Variants in EPB41L5 observed in about 807,000 individuals in gnomAD.
EPB41L5 encodes the protein band 4.1-like protein 5.
In EPB41L5, 55 loss-of-function variants were observed where a neutral mutation model predicts 106.6. That is an observed-to-expected ratio of 0.52 (90% confidence interval 0.42 to 0.65). The LOEUF (loss-of-function observed/expected upper bound fraction) is 0.65. Among genes scored for constraint, EPB41L5 ranks in the 30% least tolerant of loss-of-function variants. The probability of loss-of-function intolerance (pLI) is 0.00; values close to 1 mark genes in which losing one functional copy is unlikely to be tolerated. For missense variants in EPB41L5, 871 were observed against 882.1 expected (o/e 0.99, Z 0.16); for synonymous variants, 297 against 306.7 (o/e 0.97, Z 0.33).
chr2:120,083,569 T>C (rs1448636331), intron 10 of EPB41L5, among the ~76,000 whole-genome samples: 2 of 152,296 alleles, frequency 1.3e-5, no homozygotes, highest in East Asian at 3.9e-4. Flanking sequence ...CTGAGAAGAA[T>C]GTATATTCTG....
At chr2:120,051,718 A>C (rs1057507421) in intron 3 of EPB41L5, among the ~76,000 whole-genome samples, 1 of 152,132 alleles carries the variant, frequency 6.6e-6, no homozygotes, top group Non-Finnish European at 1.5e-5. Flanking sequence ...AGCCCCAGTG[A>C]GATGAACCCA....
In EPB41L5 at chr2:120,150,503, GTTTAT is replaced by G. The variant is rs1331386473; in HGVS notation, c.1793+4228_1793+4232del. On this transcript the variant is annotated intron_variant, in intron 20 of 24. Transcript: ENST00000263713. ...TGCCCAGCTAATTTAAAAAAAAAAA[GTTTAT>G]TTTATTTTATTTTTTTAGAGATGGG... Among the ~76,000 whole-genome samples, 10 of 151,740 alleles carry G rather than the reference GTTTAT, an allele frequency of 6.6e-5. No homozygotes were observed. In the South Asian group the frequency reaches 1.7e-3, roughly 25 times the overall value.
intron 20 of EPB41L5, among the ~76,000 whole-genome samples, chr2:120,153,675 T>C (rs1371789617): frequency 1.3e-5 from 2 of 152,208 alleles, no homozygotes; most frequent in African/African-American, 4.8e-5. Flanking sequence ...GGGTCTCTGT[T>C]GATAGTTCTG....
intron 3 of EPB41L5, among the ~76,000 whole-genome samples, chr2:120,070,827 A>G (rs1278881059): frequency 6.6e-6 from 1 of 152,072 alleles, no homozygotes; most frequent in African/African-American, 2.4e-5. Context: ...AGGTATTGAT[A>G]GAAAACATCT....
chr2:120,089,662 A>G (rs938412796), intron 11 of EPB41L5, among the ~76,000 whole-genome samples: 2 of 152,088 alleles, frequency 1.3e-5, no homozygotes, highest in African/African-American at 2.4e-5. Context: ...AAGTTTTACT[A>G]TTATAAATGA....
Position 120,105,654 on chromosome 2 carries a change from C to G in EPB41L5, c.1337+4840C>G. On this transcript the variant is annotated intron_variant, in intron 16 of 24. Coordinates refer to ENST00000263713, the MANE Select transcript of EPB41L5 (RefSeq NM_020909.4). ...CCACTCAAAGTATTTAGCACATCCT[C>G]TAAATATAAATAGATCTGTATCTTA... 7.1e-6 allele frequency: 7 copies of G among 985,312 alleles called. No homozygotes were observed. In the South Asian group the frequency reaches 3.3e-4, roughly 46 times the overall value. 61.0% of individuals were successfully genotyped at this position (985,312 alleles called of 1,614,324 possible).
chr2:120,165,062 G>A, intron 22 of EPB41L5, 152 bp downstream of exon 22: 1 of 588,724 alleles, frequency 1.7e-6, no homozygotes. Context: ...TTGCCTCTCT[G>A]TCCTAAAATT....
intron 16 of EPB41L5, among the ~76,000 whole-genome samples, chr2:120,101,851 G>A (rs1684162431): frequency 6.6e-6 from 1 of 152,028 alleles, no homozygotes; most frequent in Admixed American, 6.6e-5. Context: ...TTCTCCCCTG[G>A]CCCCATTTTC....
At chr2:120,110,642 T>C (rs993875045) in intron 16 of EPB41L5, among the ~76,000 whole-genome samples, 2 of 151,106 alleles carry the variant, frequency 1.3e-5, no homozygotes, top group Non-Finnish European at 3.0e-5. Context: ...CCTATTTTTT[T>C]TTTTTTTTTT....
At chr2:120,095,141 C>G (rs1356192595) in intron 14 of EPB41L5, among the ~76,000 whole-genome samples, 1 of 152,084 alleles carries the variant, frequency 6.6e-6, no homozygotes, top group Non-Finnish European at 1.5e-5. Context: ...TAGTCTACAA[C>G]TATTGTCTAT....
chr2:120,059,736 C>T (rs892081306), intron 3 of EPB41L5, among the ~76,000 whole-genome samples: 3 of 151,456 alleles, frequency 2.0e-5, no homozygotes, highest in African/African-American at 7.3e-5. Context: ...GACCTTGTCT[C>T]TACAAAAAAA....
At chr2:120,045,137 A>C (rs1382773894) in intron 3 of EPB41L5, among the ~76,000 whole-genome samples, 2 of 152,180 alleles carry the variant, frequency 1.3e-5, no homozygotes, top group African/African-American at 4.8e-5. Flanking sequence ...CATATATGTA[A>C]GGTTAATGTG....
chr2:120,136,922 T>TA (rs1192482704), intron 18 of EPB41L5, among the ~76,000 whole-genome samples: 2 of 152,004 alleles, frequency 1.3e-5, no homozygotes, highest in Non-Finnish European at 1.5e-5. Flanking sequence ...CAGCAGAACA[T>TA]ACATTCTTGT....
intron 3 of EPB41L5, among the ~76,000 whole-genome samples, chr2:120,043,088 G>A (rs533145988): frequency 6.7e-6 from 1 of 150,322 alleles, no homozygotes; most frequent in East Asian, 2.0e-4. Context: ...AAGCATCTGG[G>A]CTAAGTTTAC....
At chr2:120,039,564 A>C (rs2105200811) in intron 2 of EPB41L5, among the ~76,000 whole-genome samples, 1 of 152,138 alleles carries the variant, frequency 6.6e-6, no homozygotes, top group Non-Finnish European at 1.5e-5. Flanking sequence ...GGTGGCTCAC[A>C]CCTGTAATCC....
chr2:120,029,332 A>T (rs1181984204), intron 2 of EPB41L5, among the ~76,000 whole-genome samples: 1 of 152,044 alleles, frequency 6.6e-6, no homozygotes, highest in African/African-American at 2.4e-5. Flanking sequence ...TGCCCAGCTA[A>T]TTTTTGTATT....
At chr2:120,071,401 C>T (rs1412986652) in intron 3 of EPB41L5, among the ~76,000 whole-genome samples, 1 of 152,180 alleles carries the variant, frequency 6.6e-6, no homozygotes, top group African/African-American at 2.4e-5. Context: ...AATGGCCATA[C>T]TGCTCAAAGT....
intron 1 of EPB41L5, among the ~76,000 whole-genome samples, chr2:120,018,088 G>C (rs1713063): frequency 0.25 from 37,365 of 151,658 alleles, 4,886 homozygotes; most frequent in South Asian, 0.35. Context: ...CAGCCTCCCG[G>C]TAGCTGGGAC....
At chr2:120,126,808 A>G (rs1262337340) in intron 16 of EPB41L5, among the ~76,000 whole-genome samples, 1 of 152,210 alleles carries the variant, frequency 6.6e-6, no homozygotes, top group African/African-American at 2.4e-5. Context: ...AATTCTACAA[A>G]AAAAATCCTG....
Sources: allele counts gnomAD v4.1 joint callset (sites outside exome capture counted in the v4.1 genomes callset), GRCh38; gene constraint gnomAD v4.1.1; transcripts MANE v1.5; gene names NCBI Gene and HGNC (gene_info 2026-07-23, HGNC 2026-07-21).